The following GARNL3 variants were observed in gnomAD, a reference collection of about 807,000 sequenced individuals.
GARNL3 encodes GTPase-activating Rap/Ran-GAP domain-like protein 3.
A neutral mutation model predicts 125.0 loss-of-function variants in GARNL3; 63 were observed. That is an observed-to-expected ratio of 0.50 (90% CI 0.41 to 0.62). GARNL3 has a LOEUF of 0.62. Ranked by LOEUF, GARNL3 falls within the 20% of genes least tolerant of loss-of-function variation. The probability of loss-of-function intolerance (pLI) is 0.00; values close to 1 mark genes in which losing one functional copy is unlikely to be tolerated. For synonymous variants in GARNL3, 439 were observed against 457.5 expected, an observed-to-expected ratio of 0.96 and a Z score of 0.52; for missense variants, 994 against 1,244.0, an observed-to-expected ratio of 0.80 and a Z score of 3.02.
rs573185189 is a variant in GARNL3 at position 127,348,772 on chromosome 9, A to G, written c.1432-152A>G. 152 of 540,668 alleles carry G rather than the reference A, an allele frequency of 2.8e-4. 1 individual carries two copies. Among genetic ancestry groups the G allele is most frequent in the African/African-American group, 2.8e-3 (141 of 50,694 alleles). 33.5% of individuals were successfully genotyped at this position (540,668 alleles called of 1,614,324 possible). A position where few individuals can be genotyped will look rare whatever the true frequency, so the allele number is the denominator to read the frequency against. On this transcript the variant is annotated intron_variant, in intron 16 of 27. Transcript: ENST00000373387. ...GAGACTTTTCTTCCTAAGAAAGGTA[A>G]TTGAGTCCAGACCCCAGGGTTTGGA...
intron 22 of GARNL3, among the ~76,000 whole-genome samples, chr9:127,378,031 A>C (rs1763007271): frequency 6.6e-6 from 1 of 151,940 alleles, no homozygotes; most frequent in Admixed American, 6.6e-5. Context: ...ACTTGAGCTC[A>C]GGAGTTCGAG....
chr9:127,316,659 C>T (rs1479420527), intron 4 of GARNL3, among the ~76,000 whole-genome samples: 1 of 152,176 alleles, frequency 6.6e-6, no homozygotes, highest in East Asian at 1.9e-4. Context: ...AAGCTCAGCC[C>T]AGTTTCCTTG....
At chr9:127,231,314 C>A (rs112974101) in intron 1 of GARNL3, among the ~76,000 whole-genome samples, 43 of 147,072 alleles carry the variant, frequency 2.9e-4, no homozygotes, top group African/African-American at 1.1e-3. Flanking sequence ...CCTCATGATC[C>A]GCCCGCCTCG....
At chr9:127,361,631 A>G (rs1387534760) in intron 21 of GARNL3, 1 of 152,264 alleles carries the variant, frequency 6.6e-6, no homozygotes, top group African/African-American at 2.4e-5. Flanking sequence ...GGAAGTGGTT[A>G]AGGGTTAAGT....
intron 21 of GARNL3, 97 bp from the exon 22 acceptor site, chr9:127,365,203 G>A (rs970216040): frequency 2.0e-6 from 2 of 981,030 alleles, no homozygotes; most frequent in South Asian, 2.6e-5. Context: ...CTGCATGACA[G>A]AGGGCCTCGG....
At chr9:127,315,472 A>G (rs569865175) in intron 4 of GARNL3, among the ~76,000 whole-genome samples, 4 of 152,112 alleles carry the variant, frequency 2.6e-5, no homozygotes, top group Non-Finnish European at 4.4e-5. Context: ...CCTTGTCTCT[A>G]TGAAAAATAA....
chr9:127,365,457 C>A, intron 22 of GARNL3, 91 bp downstream of exon 22: 1 of 1,018,580 alleles, frequency 9.8e-7, no homozygotes. Context: ...CTTAGATTTA[C>A]CCAGTGTATC....
At chr9:127,304,098 G>A (rs1225524341) in intron 2 of GARNL3, among the ~76,000 whole-genome samples, 4 of 152,182 alleles carry the variant, frequency 2.6e-5, no homozygotes, top group South Asian at 2.1e-4. Context: ...TCTGGAAAGT[G>A]TACTCATCAG....
At chr9:127,327,274 A>G (rs2131544646) in intron 7 of GARNL3, among the ~76,000 whole-genome samples, 1 of 152,308 alleles carries the variant, frequency 6.6e-6, no homozygotes, top group African/African-American at 2.4e-5. Flanking sequence ...GTGGGGTAAG[A>G]CAAGCTAAAC....
chr9:127,295,873 T>C (rs1187319253), intron 2 of GARNL3, among the ~76,000 whole-genome samples: 1 of 152,196 alleles, frequency 6.6e-6, no homozygotes, highest in Admixed American at 6.5e-5. Context: ...ATTACACTTA[T>C]TGTGCCCTTT....
chr9:127,346,324 A>T (rs1830136463), intron 16 of GARNL3, among the ~76,000 whole-genome samples: 1 of 152,230 alleles, frequency 6.6e-6, no homozygotes, highest in South Asian at 2.1e-4. Flanking sequence ...AATAATTATG[A>T]ATACATTTAC....
chr9:127,389,425 A>G (rs879735386), intron 26 of GARNL3, among the ~76,000 whole-genome samples: 13 of 152,210 alleles, frequency 8.5e-5, no homozygotes, highest in African/African-American at 2.4e-5. Flanking sequence ...GTACCAATCT[A>G]TGTATGATTT....
At chr9:127,324,932 C>G in intron 6 of GARNL3, 137 bp from the exon 7 acceptor site, 1 of 849,864 alleles carries the variant, frequency 1.2e-6, no homozygotes, top group Non-Finnish European at 1.9e-6. Context: ...TTCCCCCAAA[C>G]AAAGCTCCTA....
chr9:127,349,034 T>C lies in GARNL3; in HGVS notation c.1542T>C (p.Asp514=), dbSNP rs930092876. The stretch of plus-strand genomic sequence containing the variant: ...CTGATGCTGGCGTCTTGCTAGTGGA[T>C]GGTTAGTGAGTAGCTGCTCCTACAA... ...VSTDAGVLLV[D]DDLPSVPVFD... is the part of the protein sequence containing the mutation. The change falls in exon 17 of 28, where the codon GAT becomes GAC. Residue 514 remains aspartate, a splice_region_variant and synonymous_variant. Transcript: ENST00000373387. The C allele has an allele frequency of 1.2e-6, 2 of 1,602,842 alleles. No individual in the cohort carries two copies. The highest frequency in any genetic ancestry group is 2.7e-5 in the African/African-American group (2 of 74,720).
Position 127,313,493 on chromosome 9 carries a change from C to G in GARNL3, c.372C>G (p.Ser124=), listed in dbSNP as rs143970041. The G allele has an allele frequency of 6.2e-7, 1 of 1,614,106 alleles. No individual in the cohort carries two copies. Among genetic ancestry groups the G allele is most frequent in the East Asian group, 2.2e-5 (1 of 44,880 alleles). Residue 124 remains serine, a synonymous_variant, in exon 4 of 28, where the codon TCC becomes TCG. Transcript: ENST00000373387. ...CCGAGAAGAGCCCTTTCTTCTTGTC[C>G]GTGACCCTTTCTGACCAAAACAATC... The part of the protein sequence containing the change: ...NDAEKSPFFL[S]VTLSDQNNQR...
intron 2 of GARNL3, among the ~76,000 whole-genome samples, chr9:127,301,190 A>T (rs1452373943): frequency 6.6e-6 from 1 of 152,194 alleles, no homozygotes; most frequent in Non-Finnish European, 1.5e-5. Context: ...TTCCTTGGAC[A>T]CATGTGAGGT....
chr9:127,246,846 AACATCTTTG>A (rs1422604052), intron 2 of GARNL3, among the ~76,000 whole-genome samples: 7 of 151,990 alleles, frequency 4.6e-5, no homozygotes, highest in Non-Finnish European at 7.4e-5. Flanking sequence ...AGGGTACAGT[AACATCTTTG>A]GGAACAGGAG....
intron 1 of GARNL3, chr9:127,224,741 G>T: frequency 6.5e-6 from 1 of 152,850 alleles, no homozygotes. Flanking sequence ...GTAGGTGAGC[G>T]GGGCCTGGGT....
chr9:127,269,486 A>G (rs1255440570), intron 1 of GARNL3, among the ~76,000 whole-genome samples: 1 of 152,172 alleles, frequency 6.6e-6, no homozygotes, highest in Non-Finnish European at 1.5e-5. Context: ...TTTTTGAGAA[A>G]CTGCCAAACT....
Sources: allele counts gnomAD v4.1 joint callset (sites outside exome capture counted in the v4.1 genomes callset), GRCh38; gene constraint gnomAD v4.1.1; transcripts MANE v1.5; gene names NCBI Gene and HGNC (gene_info 2026-07-23, HGNC 2026-07-21).